The following PRKCQ variants were observed in gnomAD, a reference collection of about 807,000 sequenced individuals.
The protein encoded by PRKCQ is protein kinase C theta type.
A neutral mutation model predicts 91.2 loss-of-function variants in PRKCQ; 41 were observed. The observed-to-expected ratio is 0.45, with a 90% confidence interval of 0.35 to 0.58. PRKCQ has a LOEUF of 0.58. Among genes scored for constraint, PRKCQ ranks in the 20% least tolerant of loss-of-function variants. The pLI is 0.00. For missense variants in PRKCQ, 673 were observed against 896.5 expected, an observed-to-expected ratio of 0.75 and a Z score of 3.18; for synonymous variants, 307 against 316.9, an observed-to-expected ratio of 0.97 and a Z score of 0.33.
intron 11 of PRKCQ, 136 bp from the exon 12 acceptor site, chr10:6,479,301 G>C: frequency 2.2e-6 from 2 of 929,796 alleles, no homozygotes; most frequent in Non-Finnish European, 3.2e-6. Flanking sequence ...ATCCTGCATA[G>C]GCCATTCCTG....
intron 11 of PRKCQ, among the ~76,000 whole-genome samples, chr10:6,479,831 T>TA (rs1836496141): frequency 6.9e-6 from 1 of 144,212 alleles, no homozygotes; most frequent in East Asian, 2.0e-4. Flanking sequence ...TGGGTGCCTG[T>TA]AGTCCCAGCT....
intron 1 of PRKCQ, chr10:6,515,469 A>G (rs1484409931): frequency 1.0e-6 from 1 of 985,244 alleles, no homozygotes; most frequent in Non-Finnish European, 1.2e-6. Flanking sequence ...GTTTTCCAAT[A>G]TTTTATGTCT....
chr10:6,561,336 T>C (rs1588426386), intron 1 of PRKCQ, among the ~76,000 whole-genome samples: 1 of 129,672 alleles, frequency 7.7e-6, no homozygotes, highest in East Asian at 2.2e-4. Context: ...TGTGCTGTAC[T>C]CCAGCCTGGA....
chr10:6,560,305 G>C (rs1327247), intron 1 of PRKCQ, among the ~76,000 whole-genome samples: 136,671 of 152,200 alleles, frequency 0.9, 62,267 homozygotes, highest in East Asian at 1. Context: ...ACTTTCTGGA[G>C]TATTTTGAGA....
intron 1 of PRKCQ, among the ~76,000 whole-genome samples, chr10:6,530,652 A>G (rs1839360373): frequency 6.6e-6 from 1 of 152,220 alleles, no homozygotes; most frequent in Non-Finnish European, 1.5e-5. Flanking sequence ...GGGCAGATGC[A>G]TGCGTTTAGG....
intron 12 of PRKCQ, among the ~76,000 whole-genome samples, chr10:6,478,390 G>A (rs1168060872): frequency 1.3e-5 from 2 of 152,262 alleles, no homozygotes; most frequent in South Asian, 4.1e-4. Flanking sequence ...AGTCAGGAAA[G>A]AAAAGGATAA....
intron 1 of PRKCQ, among the ~76,000 whole-genome samples, chr10:6,570,553 CTT>C (rs34824156): frequency 1.3e-4 from 18 of 135,164 alleles, no homozygotes; most frequent in Non-Finnish European, 1.6e-4. Flanking sequence ...TAAGGGGCTT[CTT>C]TTTTTTTTTT....
At chr10:6,531,991 T>C (rs1427038602) in intron 1 of PRKCQ, among the ~76,000 whole-genome samples, 5 of 152,204 alleles carry the variant, frequency 3.3e-5, no homozygotes, top group African/African-American at 1.2e-4. Context: ...CTCGGTCCTC[T>C]TTTGGCCGGG....
chr10:6,408,046 G>GTTTTTTTTTTTTTTTTTTTTTTTTT, the PRKCQ span, among the ~76,000 whole-genome samples: 1 of 84,228 alleles, frequency 1.2e-5, no homozygotes, highest in African/African-American at 5.6e-5. Flanking sequence ...TCTTGTGTCA[G>GTTTTTTTTTTTTTTTTTTTTTTTTT]TTTTTTTTTT....
At chr10:6,415,939 G>A in the PRKCQ span, among the ~76,000 whole-genome samples, 1 of 151,852 alleles carries the variant, frequency 6.6e-6, no homozygotes, top group African/African-American at 2.4e-5. Flanking sequence ...TAGAGATGGG[G>A]TTTCACTATA....
At chr10:6,573,666 C>T (rs1251380798) in intron 1 of PRKCQ, among the ~76,000 whole-genome samples, 1 of 152,216 alleles carries the variant, frequency 6.6e-6, no homozygotes, top group Non-Finnish European at 1.5e-5. Flanking sequence ...GAAAAAATTT[C>T]AGGATGACAA....
intron 16 of PRKCQ, among the ~76,000 whole-genome samples, chr10:6,432,390 TA>T (rs1564288979): frequency 6.6e-6 from 1 of 152,172 alleles, no homozygotes; most frequent in Non-Finnish European, 1.5e-5. Flanking sequence ...TTCGCTTTTT[TA>T]AAAAAAAGTA....
chr10:6,543,306 C>A (rs140743673), intron 1 of PRKCQ, among the ~76,000 whole-genome samples: 46 of 152,312 alleles, frequency 3.0e-4, no homozygotes, highest in African/African-American at 1.0e-3. Context: ...TCAGCCCTGG[C>A]GGAGCAGCAC....
intron 4 of PRKCQ, among the ~76,000 whole-genome samples, chr10:6,503,004 G>T (rs1275454128): frequency 6.6e-6 from 1 of 152,144 alleles, no homozygotes; most frequent in Non-Finnish European, 1.5e-5. Context: ...CCATCTGTTT[G>T]TAACACACTT....
intron 15 of PRKCQ, among the ~76,000 whole-genome samples, chr10:6,450,036 A>G (rs1293893092): frequency 2.0e-5 from 3 of 150,936 alleles, no homozygotes; most frequent in Non-Finnish European, 4.4e-5. Context: ...TAACGAGCAA[A>G]ATAACCAGCT....
chr10:6,483,541 G>T lies in PRKCQ; in HGVS notation c.1078C>A (p.Pro360Thr). ...CTTTCTTTGTTCAGTTCAGGTTCTG[G>T]AAGATGGCACATTTTATCCACCTCA... ...LDEVDKMCHL[P>T]EPELNKERPS... The change falls in exon 11 of 18, where the codon CCA (proline) becomes ACA (threonine). Residue 360 changes from proline (P) to threonine (T), a missense_variant. Coordinates refer to ENST00000263125, the MANE Select transcript of PRKCQ (RefSeq NM_006257.5). 6.2e-7 allele frequency: 1 copy of T among 1,614,124 alleles called. No individual in the cohort carries two copies. Among genetic ancestry groups the T allele is most frequent in the Non-Finnish European group, 8.5e-7 (1 of 1,180,010 alleles).
intron 1 of PRKCQ, among the ~76,000 whole-genome samples, chr10:6,532,587 T>A (rs1031088695): frequency 2.0e-5 from 3 of 152,180 alleles, no homozygotes; most frequent in African/African-American, 7.2e-5. Flanking sequence ...CCCAATCTTG[T>A]CTGAAACGTA....
In PRKCQ at chr10:6,511,119, T is replaced by C. The variant is rs139725254; in HGVS notation, c.194A>G (p.Asn65Ser). Residue 65 changes from asparagine to serine, a missense_variant, in exon 3 of 18, where the codon AAC (asparagine) becomes AGC (serine). Transcript: ENST00000263125. ...AATGATCTGCATGACTCTTCCCTTG[T>C]TGATATGGGCATCAAAAGTGCTGTC... ...PWDSTFDAHI[N>S]KGRVMQIIVK... The C allele has an allele frequency of 1.2e-6, 2 of 1,614,044 alleles. No individual in the cohort carries two copies. Among genetic ancestry groups the C allele is most frequent in the East Asian group, 2.2e-5 (1 of 44,890 alleles).
At chr10:6,424,996 G>T (rs553512608), downstream of PRKCQ, among the ~76,000 whole-genome samples, 1 of 152,188 alleles carries the variant, frequency 6.6e-6, no homozygotes, top group Non-Finnish European at 1.5e-5. Context: ...ACTGGCCCCC[G>T]CACTGCGTCC....
Sources: allele counts gnomAD v4.1 joint callset (sites outside exome capture counted in the v4.1 genomes callset), GRCh38; gene constraint gnomAD v4.1.1; transcripts MANE v1.5; gene names NCBI Gene and HGNC (gene_info 2026-07-23, HGNC 2026-07-21).